Variants in USP42 observed in about 807,000 individuals in gnomAD.
USP42 encodes ubiquitin specific peptidase 42.
Under a neutral mutation model 113.0 loss-of-function variants are expected in USP42, and 23 were observed. The ratio of observed to expected loss-of-function variants is 0.20; its 90% CI spans 0.15 to 0.29. The LOEUF is 0.29. Among genes scored for constraint, USP42 ranks in the 10% least tolerant of loss-of-function variants. USP42 has a pLI of 1.00. For synonymous variants in USP42, 933 were observed against 699.0 expected (o/e 1.33, Z -5.28); for missense variants, 2,174 against 1,779.8 (o/e 1.22, Z -3.99).
chr7:6,154,922 A>ACACCCCGCACCC lies in USP42; in HGVS notation c.3369_3370insACCCCGCACCCC (p.His1123_Ala1124insThrProHisPro). ...AGCAGCCCCCGCGCAGGCGCGCCCC[A>ACACCCCGCACCC]CGCCCTCGCCCCGCACCCCGACCGC... On this transcript the variant is annotated inframe_insertion, in exon 15 of 18. Transcript: ENST00000306177. The ACACCCCGCACCC allele has an allele frequency of 6.5e-7, 1 of 1,549,626 alleles. No homozygotes were observed. Among genetic ancestry groups the ACACCCCGCACCC allele is most frequent in the Non-Finnish European group, 8.7e-7 (1 of 1,146,308 alleles).
At chr7:6,151,249 C>T (rs1050694265) in intron 14 of USP42, among the ~76,000 whole-genome samples, 3 of 152,144 alleles carry the variant, frequency 2.0e-5, no homozygotes, top group Non-Finnish European at 4.4e-5. Flanking sequence ...CTACTGTAGA[C>T]TCTGGAAACA....
chr7:6,113,465 C>T (rs546085622), intron 2 of USP42, among the ~76,000 whole-genome samples: 2 of 152,234 alleles, frequency 1.3e-5, no homozygotes, highest in Non-Finnish European at 2.9e-5. Flanking sequence ...GGGCTCTCAT[C>T]TCATTCTCCA....
At chr7:6,082,157 C>G in the USP42 span, among the ~76,000 whole-genome samples, 1 of 148,480 alleles carries the variant, frequency 6.7e-6, no homozygotes, top group Non-Finnish European at 1.5e-5. Context: ...GAGATAGAGT[C>G]TCGCTTTGTC....
In USP42 at chr7:6,150,285, A is replaced by T. The variant is rs764835630; in HGVS notation, c.2089A>T (p.Asn697Tyr). ...CTCAGAAAATCCCTTTGCTAAGGCA[A>T]ACGGTCTTCCTGGAAAGGTGAGTGC... ...LHSENPFAKA[N>Y]GLPGKLMPAP... Residue 697 changes from asparagine to tyrosine, a missense_variant, in exon 13 of 18, where the codon AAC (asparagine) becomes TAC (tyrosine). By Grantham distance (143) the Asn-to-Tyr change is moderately radical. Coordinates refer to ENST00000306177, the MANE Select transcript of USP42 (RefSeq NM_032172.3). 1.9e-6 allele frequency: 3 copies of T among 1,613,108 alleles called. No homozygotes were observed. Among genetic ancestry groups the T allele is most frequent in the Non-Finnish European group, 2.5e-6 (3 of 1,179,674 alleles).
chr7:6,094,411 T>A, the USP42 span, among the ~76,000 whole-genome samples: 1 of 150,950 alleles, frequency 6.6e-6, no homozygotes, highest in Non-Finnish European at 1.5e-5. Flanking sequence ...CCTCAAGCGA[T>A]CTTCCTTCCT....
At chr7:6,081,318 T>C in the USP42 span, 2 of 149,260 alleles carry the variant, frequency 1.3e-5, no homozygotes, top group Middle Eastern at 3.2e-3. Context: ...GCCCGCGACC[T>C]AGATCCCCAC....
chr7:6,148,295 C>G (rs546820144), intron 12 of USP42, among the ~76,000 whole-genome samples: 2 of 152,220 alleles, frequency 1.3e-5, no homozygotes, highest in South Asian at 4.1e-4. Flanking sequence ...TGAGATTGCA[C>G]CACTGCACTC....
At chr7:6,085,620 A>AT in the USP42 span, among the ~76,000 whole-genome samples, 8,280 of 139,896 alleles carry the variant, frequency 0.059, 588 homozygotes, top group African/African-American at 0.13. Context: ...ATATATATAT[A>AT]TATATTTTTT....
At chr7:6,146,065 A>C in intron 10 of USP42, 83 bp from the exon 11 acceptor site, 1 of 1,158,574 alleles carries the variant, frequency 8.6e-7, no homozygotes, top group Admixed American at 2.6e-5. Context: ...CCATCTCAAA[A>C]AAAAAGAAAG....
At chr7:6,083,145 G>A in the USP42 span, among the ~76,000 whole-genome samples, 11 of 148,840 alleles carry the variant, frequency 7.4e-5, no homozygotes, top group Admixed American at 2.7e-4. Context: ...GGCTGGTCTC[G>A]AACTCCTGAC....
chr7:6,120,553 G>A (rs1188181771), intron 3 of USP42, among the ~76,000 whole-genome samples: 1 of 150,954 alleles, frequency 6.6e-6, no homozygotes, highest in Non-Finnish European at 1.5e-5. Flanking sequence ...TCTTGCCTCA[G>A]CCTTTCAAAG....
In USP42 at chr7:6,157,579, G is replaced by A. The variant is rs527924770; in HGVS notation, c.3943+524G>A. On this transcript the variant is annotated intron_variant, in intron 16 of 17. Transcript: ENST00000306177. The surrounding 1 kb of genome is among the most constrained non-coding windows in gnomAD (Gnocchi z 4.1). Reference sequence around the variant, plus strand: ...CGCCCGGCTAAATTTTGTGTTTTTAGTAGAGACGGTGTTTCACCGTGTTAG... The same window carrying A: ...CGCCCGGCTAAATTTTGTGTTTTTAATAGAGACGGTGTTTCACCGTGTTAG... Among the ~76,000 whole-genome samples the A allele has an allele frequency of 6.6e-6, 1 of 152,272 alleles. No homozygotes were observed. The highest frequency in any genetic ancestry group is 2.1e-4 in the South Asian group (1 of 4,826).
chr7:6,082,182 G>A, the USP42 span, among the ~76,000 whole-genome samples: 1 of 151,248 alleles, frequency 6.6e-6, no homozygotes, highest in Non-Finnish European at 1.5e-5. Context: ...AGGCTGGAGT[G>A]CAGTGGCGCG....
chr7:6,138,981 A>T lies in USP42; in HGVS notation c.554-111A>T, dbSNP rs554395156. ...GTTAGTGCTATTTCCTCATAAAGTA[A>T]GTATTTGGGAGTTTTCCAACCAACA... is the stretch of plus-strand genomic sequence containing the variant. On this transcript the variant is annotated intron_variant, in intron 4 of 17. Coordinates refer to ENST00000306177, the MANE Select transcript of USP42 (RefSeq NM_032172.3). The T allele has an allele frequency of 2.8e-5, 18 of 646,924 alleles. No individual in the cohort carries two copies. The African/African-American group carries it at 3.4e-4, about 12-fold the overall frequency. 40.1% of individuals were successfully genotyped at this position (646,924 alleles called of 1,614,324 possible). A position where few individuals can be genotyped will look rare whatever the true frequency, so the allele number is the denominator to read the frequency against.
intron 2 of USP42, among the ~76,000 whole-genome samples, chr7:6,113,472 T>G (rs905085891): frequency 1.3e-5 from 2 of 152,122 alleles, no homozygotes; most frequent in African/African-American, 4.8e-5. Flanking sequence ...CATCTCATTC[T>G]CCACAGAATC....
chr7:6,150,805 T>G (rs1014974040), intron 14 of USP42, among the ~76,000 whole-genome samples: 39 of 152,192 alleles, frequency 2.6e-4, no homozygotes, highest in Admixed American at 6.5e-5. Flanking sequence ...TGCCATCTCA[T>G]TTCATCTTTC....
At chr7:6,120,003 C>T (rs979353037) in intron 3 of USP42, among the ~76,000 whole-genome samples, 2 of 152,120 alleles carry the variant, frequency 1.3e-5, no homozygotes, top group African/African-American at 4.8e-5. Flanking sequence ...TCTCGCTCTG[C>T]CGCCCGGGCT....
chr7:6,112,867 C>T (rs989115821), intron 2 of USP42, among the ~76,000 whole-genome samples: 5 of 149,790 alleles, frequency 3.3e-5, no homozygotes, highest in South Asian at 2.1e-4. Flanking sequence ...GTAGTTTGAT[C>T]GCCATGTTGT....
intron 3 of USP42, among the ~76,000 whole-genome samples, chr7:6,132,740 C>T (rs1335240207): frequency 6.6e-6 from 1 of 152,006 alleles, no homozygotes; most frequent in African/African-American, 2.4e-5. Flanking sequence ...GTCGAGATCT[C>T]GGCTCACTGC....
Sources: allele counts gnomAD v4.1 joint callset (sites outside exome capture counted in the v4.1 genomes callset), GRCh38; gene constraint gnomAD v4.1.1; non-coding constraint Gnocchi (gnomAD v3.1); transcripts MANE v1.5; gene names NCBI Gene and HGNC (gene_info 2026-07-23, HGNC 2026-07-21).